The following SCFD1 variants were observed in gnomAD, a reference collection of about 807,000 sequenced individuals.
SCFD1 encodes the protein sec1 family domain-containing protein 1.
A neutral mutation model predicts 103.2 loss-of-function variants in SCFD1; 37 were observed. The observed-to-expected ratio is 0.36, with a 90% confidence interval of 0.28 to 0.47. The LOEUF is 0.47. Among genes scored for constraint, SCFD1 ranks in the 20% least tolerant of loss-of-function variants. The pLI is 1.00. For missense variants in SCFD1, 639 were observed against 761.2 expected (o/e 0.84, Z 1.89); for synonymous variants, 264 against 245.0 (o/e 1.08, Z -0.73).
chr14:30,633,957 T>C lies in SCFD1; in HGVS notation c.232T>C (p.Ser78Pro). ...MGITLHLLLH[S>P]DRDPIPDVPA... is the part of the protein sequence containing the mutation. ...CCTTATGTCTTCTAGGCTTTTACAC[T>C]CTGATCGAGATCCTATTCCAGATGT... Residue 78 changes from serine (S) to proline (P), a missense_variant, in exon 4 of 25, where the codon TCT becomes CCT. Transcript: ENST00000458591. 6.3e-7 allele frequency: 1 copy of C among 1,587,638 alleles called. No individual in the cohort carries two copies. The highest frequency in any genetic ancestry group is 8.6e-7 in the Non-Finnish European group (1 of 1,164,086).
chr14:30,719,369 C>T lies in SCFD1; in HGVS notation c.1728C>T (p.Gly576=). ...ATTTTGATCCCAAAATGCTGCGGGG[C>T]AATGACAGGTAAGCAGCTTTTGTCT... ...YRYFDPKMLR[G]NDSSVPRNKN... is the part of the protein sequence containing the mutation. The change falls in exon 21 of 25, where the codon GGC becomes GGT. Residue 576 remains glycine, a synonymous_variant. Coordinates refer to ENST00000458591, the MANE Select transcript of SCFD1 (RefSeq NM_016106.4). The T allele has an allele frequency of 6.2e-7, 1 of 1,605,030 alleles. No homozygotes were observed. The highest frequency in any genetic ancestry group is 8.5e-7 in the Non-Finnish European group (1 of 1,176,068).
intron 6 of SCFD1, among the ~76,000 whole-genome samples, chr14:30,641,133 C>A (rs1462140557): frequency 6.6e-6 from 1 of 152,114 alleles, no homozygotes; most frequent in East Asian, 1.9e-4. Flanking sequence ...AGTCTCACTC[C>A]AGAGATAACA....
chr14:30,639,769 G>T lies in SCFD1; in HGVS notation c.436-8G>T. On this transcript the variant is annotated splice_region_variant and splice_polypyrimidine_tract_variant and intron_variant, in intron 5 of 24. Transcript: ENST00000458591. ...GATTGATTTGTAAACCTTTTCTTTT[G>T]TTTCTAGGTTTTTGACCAATATCTC... The T allele has an allele frequency of 1.9e-6, 3 of 1,559,844 alleles. No individual in the cohort carries two copies. Among genetic ancestry groups the T allele is most frequent in the Non-Finnish European group, 8.7e-7 (1 of 1,154,634 alleles).
chr14:30,622,286 A>G, upstream of SCFD1: 9 of 1,591,006 alleles, frequency 5.7e-6, no homozygotes, highest in South Asian at 1.0e-4. Flanking sequence ...AAGGGCAGCC[A>G]CGTCATCCCC....
chr14:30,731,281 G>A (rs1191355627), intron 23 of SCFD1, among the ~76,000 whole-genome samples: 1 of 152,180 alleles, frequency 6.6e-6, no homozygotes, highest in African/African-American at 2.4e-5. Context: ...AAGTCAGGTA[G>A]TGTGATGCCT....
chr14:30,720,091 G>A (rs920325755), intron 21 of SCFD1, among the ~76,000 whole-genome samples: 2 of 152,130 alleles, frequency 1.3e-5, no homozygotes, highest in African/African-American at 4.8e-5. Context: ...TACATTTGCT[G>A]TATCCCAAGC....
At chr14:30,696,576 G>C (rs988695622) in intron 15 of SCFD1, among the ~76,000 whole-genome samples, 3 of 152,210 alleles carry the variant, frequency 2.0e-5, no homozygotes, top group Non-Finnish European at 4.4e-5. Context: ...AGATGACTAA[G>C]GGCATCCACT....
At chr14:30,724,794 T>C (rs954870450) in intron 23 of SCFD1, among the ~76,000 whole-genome samples, 1 of 152,348 alleles carries the variant, frequency 6.6e-6, no homozygotes, top group South Asian at 2.1e-4. Context: ...GCCTAGGTTG[T>C]CTTCCAGGGT....
At chr14:30,646,301 G>T (rs956901501) in intron 7 of SCFD1, among the ~76,000 whole-genome samples, 2 of 151,748 alleles carry the variant, frequency 1.3e-5, no homozygotes. Context: ...AATTACAGGC[G>T]TGAGCCACCA....
At chr14:30,697,227 G>T (rs1890764725) in intron 15 of SCFD1, among the ~76,000 whole-genome samples, 1 of 152,092 alleles carries the variant, frequency 6.6e-6, no homozygotes, top group South Asian at 2.1e-4. Context: ...GGGAGCAAAA[G>T]TACAAAATGA....
intron 7 of SCFD1, chr14:30,644,154 ATG>A: frequency 3.1e-6 from 1 of 326,926 alleles, no homozygotes; most frequent in South Asian, 2.6e-5. Flanking sequence ...AGCTATATCT[ATG>A]TTGCTGCAAA....
At chr14:30,674,643 C>G (rs1594672678) in intron 13 of SCFD1, among the ~76,000 whole-genome samples, 1 of 149,410 alleles carries the variant, frequency 6.7e-6, no homozygotes. Context: ...GACTCTGTCT[C>G]AAAAAAAAGA....
chr14:30,663,051 T>A (rs2139163551), intron 10 of SCFD1, among the ~76,000 whole-genome samples: 1 of 152,348 alleles, frequency 6.6e-6, no homozygotes, highest in Non-Finnish European at 1.5e-5. Context: ...ATTTCCTAAC[T>A]TGGAAGATTG....
At chr14:30,690,817 G>A (rs149769073) in intron 14 of SCFD1, among the ~76,000 whole-genome samples, 4 of 152,128 alleles carry the variant, frequency 2.6e-5, no homozygotes, top group Admixed American at 1.3e-4. Context: ...GTTCCTATTC[G>A]GCCATCTTGG....
chr14:30,633,771 C>CT (rs2139016120), intron 3 of SCFD1, among the ~76,000 whole-genome samples, 176 bp from the exon 4 acceptor site: 1 of 152,162 alleles, frequency 6.6e-6, no homozygotes, highest in Non-Finnish European at 1.5e-5. Context: ...CTTACTAATG[C>CT]TAATAAATAA....
upstream of SCFD1, chr14:30,622,315 G>T: frequency 3.1e-6 from 5 of 1,593,128 alleles, no homozygotes; most frequent in Non-Finnish European, 4.3e-6. Context: ...CTCCCCAGCC[G>T]GGCAGTGGCT....
chr14:30,724,244 G>GTTTTTTTTTT (rs1268662400), intron 23 of SCFD1, among the ~76,000 whole-genome samples: 2 of 127,256 alleles, frequency 1.6e-5, no homozygotes, highest in African/African-American at 6.9e-5. Flanking sequence ...CTTTTTTATG[G>GTTTTTTTTTT]GTTTTTTTTT....
intron 6 of SCFD1, among the ~76,000 whole-genome samples, 196 bp downstream of exon 6, chr14:30,640,060 T>A (rs915380769): frequency 1.3e-5 from 2 of 152,168 alleles, no homozygotes; most frequent in Admixed American, 1.3e-4. Flanking sequence ...AATAAACCTG[T>A]TTTGTAAATT....
chr14:30,718,052 A>C (rs913900833), intron 20 of SCFD1, among the ~76,000 whole-genome samples: 1 of 152,162 alleles, frequency 6.6e-6, no homozygotes, highest in African/African-American at 2.4e-5. Flanking sequence ...GTCAAACTGA[A>C]GATTTTAACT....
Sources: gnomAD v4.1 joint callset for allele counts (sites outside exome capture counted in the v4.1 genomes callset) on GRCh38, gnomAD v4.1.1 for gene constraint, MANE v1.5 for transcripts, NCBI Gene and HGNC (gene_info 2026-07-23, HGNC 2026-07-21) for gene names.